EPHA5: variants seen among roughly 807,000 people sequenced by gnomAD.
EPHA5 encodes ephrin type-A receptor 5.
EPHA5 carries 60 observed loss-of-function variants against 105.0 expected under a neutral mutation model. That is an observed-to-expected ratio of 0.57 (90% confidence interval 0.46 to 0.71). EPHA5 has a LOEUF of 0.71. Among genes scored for constraint, EPHA5 ranks in the 30% least tolerant of loss-of-function variants. EPHA5 has a pLI of 0.00. For missense variants in EPHA5, 1,218 were observed against 1,274.7 expected (o/e 0.96, Z 0.68); for synonymous variants, 513 against 449.1 (o/e 1.14, Z -1.80).
chr4:65,352,867 A>C (rs1478458099), intron 12 of EPHA5, among the ~76,000 whole-genome samples, 175 bp downstream of exon 12: 1 of 151,610 alleles, frequency 6.6e-6, no homozygotes, highest in Non-Finnish European at 1.5e-5. Flanking sequence ...TTCTGAAACA[A>C]ACCTATGTTC....
intron 3 of EPHA5, among the ~76,000 whole-genome samples, chr4:65,510,340 C>G (rs139543070): frequency 0.01 from 1,589 of 151,920 alleles, 27 homozygotes; most frequent in African/African-American, 0.036. Flanking sequence ...CCACTACGCT[C>G]GGTGGATACA....
intron 15 of EPHA5, among the ~76,000 whole-genome samples, chr4:65,334,593 A>T (rs1024401102): frequency 1.3e-5 from 2 of 151,998 alleles, no homozygotes; most frequent in Non-Finnish European, 2.9e-5. Flanking sequence ...ACCAGGAACT[A>T]ACAATTTCTA....
intron 8 of EPHA5, among the ~76,000 whole-genome samples, chr4:65,386,997 C>T (rs576407521): frequency 4.6e-5 from 7 of 151,632 alleles, no homozygotes; most frequent in Non-Finnish European, 7.4e-5. Flanking sequence ...AGAAGCAAGA[C>T]GTCTTGGTAA....
intron 5 of EPHA5, among the ~76,000 whole-genome samples, chr4:65,434,823 C>T (rs1725318341): frequency 6.6e-6 from 1 of 152,110 alleles, no homozygotes; most frequent in East Asian, 1.9e-4. Flanking sequence ...GAAATCAAAA[C>T]ACTGACTATT....
intron 2 of EPHA5, among the ~76,000 whole-genome samples, chr4:65,617,695 A>T (rs1021942970): frequency 6.6e-6 from 1 of 152,152 alleles, no homozygotes; most frequent in African/African-American, 2.4e-5. Context: ...TAAAGAAAGA[A>T]GGAAAGTTAA....
chr4:65,328,238 T>C (rs1451230666), intron 16 of EPHA5, among the ~76,000 whole-genome samples: 1 of 151,224 alleles, frequency 6.6e-6, no homozygotes, highest in Non-Finnish European at 1.5e-5. Context: ...TTGGATTTTG[T>C]TGACAAAATT....
At chr4:65,495,603 G>A (rs2149227178) in intron 3 of EPHA5, 60 bp from the exon 4 acceptor site, 1 of 1,399,496 alleles carries the variant, frequency 7.1e-7, no homozygotes, top group Non-Finnish European at 9.8e-7. Flanking sequence ...TTTGTTTTGT[G>A]AATAATGTCA....
At chr4:65,385,689 T>C (rs918686993) in intron 8 of EPHA5, among the ~76,000 whole-genome samples, 2 of 151,912 alleles carry the variant, frequency 1.3e-5, no homozygotes, top group African/African-American at 2.4e-5. Flanking sequence ...CAGTGATTAA[T>C]TATGGTTACA....
At position 65,367,406 on chromosome 4, in the gene EPHA5, T is replaced by G. The variant is rs1382728984; in HGVS notation, c.1812A>C (p.Lys604Asn). The G allele has an allele frequency of 6.2e-7, 1 of 1,612,322 alleles. No homozygotes were observed. The highest frequency in any genetic ancestry group is 1.3e-5 in the African/African-American group (1 of 74,902). ...LLSGRRCGYS[K>N]AKQDPEEEKM... ...TTTCCTCTTCTGGATCTTGTTTTGC[T>G]TTGCTGTAGCCACACCGCCTGGAAC... Residue 604 changes from lysine (K) to asparagine (N), a missense_variant, in exon 9 of 17, where the codon AAA (lysine) becomes AAC (asparagine). This residue lies in a region of EPHA5 where 971 missense variants were observed against 1,013.5 expected (regional missense o/e 0.96). Coordinates refer to ENST00000613740, the MANE Select transcript of EPHA5 (RefSeq NM_001281766.3).
At chr4:65,471,843 G>T (rs1271939321) in intron 5 of EPHA5, among the ~76,000 whole-genome samples, 2 of 152,202 alleles carry the variant, frequency 1.3e-5, no homozygotes, top group Admixed American at 6.5e-5. Context: ...TGAGATTTCG[G>T]TGGGAACACA....
At chr4:65,334,804 TAA>T (rs34878148) in intron 15 of EPHA5, among the ~76,000 whole-genome samples, 13,383 of 151,984 alleles carry the variant, frequency 0.088, 697 homozygotes, top group Admixed American at 0.14. Context: ...ATTTAGAACA[TAA>T]GTTTTTTTTT....
At chr4:65,571,474 T>C (rs28405826) in intron 3 of EPHA5, among the ~76,000 whole-genome samples, 10,406 of 152,168 alleles carry the variant, frequency 0.068, 414 homozygotes, top group Admixed American at 0.12. Flanking sequence ...AGAAGATGAA[T>C]GAAACTGTCA....
chr4:65,394,300 C>T (rs1356726316), intron 8 of EPHA5, among the ~76,000 whole-genome samples: 2 of 152,072 alleles, frequency 1.3e-5, no homozygotes, highest in African/African-American at 4.8e-5. Flanking sequence ...AGAGGCTTCC[C>T]ACACAAAAGT....
intron 2 of EPHA5, among the ~76,000 whole-genome samples, chr4:65,632,607 G>T (rs946581366): frequency 6.6e-6 from 1 of 150,724 alleles, no homozygotes; most frequent in East Asian, 1.9e-4. Flanking sequence ...TTAAATACCT[G>T]ATTATCAATC....
chr4:65,644,945 T>C (rs1747991259), intron 1 of EPHA5, among the ~76,000 whole-genome samples: 2 of 152,068 alleles, frequency 1.3e-5, no homozygotes, highest in Admixed American at 1.3e-4. Context: ...ATAATGTTTG[T>C]ATCATTTTTA....
intron 6 of EPHA5, 51 bp downstream of exon 6, chr4:65,420,390 A>G (rs1387056292): frequency 6.6e-7 from 1 of 1,511,776 alleles, no homozygotes; most frequent in Admixed American, 2.3e-5. Context: ...TGTAGTTGCT[A>G]AAATGAAAAA....
chr4:65,661,111 G>A (rs543713370), intron 1 of EPHA5, among the ~76,000 whole-genome samples: 24 of 152,216 alleles, frequency 1.6e-4, no homozygotes, highest in African/African-American at 5.3e-4. Context: ...CATTATTGCC[G>A]TAATACAGAT....
intron 8 of EPHA5, among the ~76,000 whole-genome samples, chr4:65,390,610 A>G (rs1310004018): frequency 6.6e-6 from 1 of 152,062 alleles, no homozygotes; most frequent in Admixed American, 6.6e-5. Context: ...AGCAACCATC[A>G]TGGGTATGCA....
intron 2 of EPHA5, among the ~76,000 whole-genome samples, chr4:65,639,781 T>C (rs1328537873): frequency 2.0e-5 from 3 of 152,182 alleles, no homozygotes; most frequent in African/African-American, 7.2e-5. Flanking sequence ...TTTCTTTCTG[T>C]TCCTCAGATT....
Sources: gnomAD v4.1 joint callset for allele counts (sites outside exome capture counted in the v4.1 genomes callset) on GRCh38, gnomAD v4.1.1 for gene constraint, gnomAD v4.1.1 regional missense constraint, MANE v1.5 for transcripts, NCBI Gene and HGNC (gene_info 2026-07-23, HGNC 2026-07-21) for gene names.